Variants in ADAM2 observed in about 807,000 individuals in gnomAD.
ADAM2 encodes the protein ADAM metallopeptidase domain 2.
Under a neutral mutation model 99.3 loss-of-function variants are expected in ADAM2, and 101 were observed. That is an observed-to-expected ratio of 1.02 (90% CI 0.87 to 1.20). ADAM2 has a LOEUF of 1.20. ADAM2 is among the 50% of genes most tolerant of loss of function. The pLI, the probability that ADAM2 is intolerant of heterozygous loss-of-function variation, is 0.00. For missense variants in ADAM2, 948 were observed against 878.7 expected (o/e 1.08, Z -1.00); for synonymous variants, 323 against 287.6 (o/e 1.12, Z -1.25).
chr8:39,761,825 T>C (rs1005582364), intron 14 of ADAM2, among the ~76,000 whole-genome samples: 2 of 152,144 alleles, frequency 1.3e-5, no homozygotes, highest in African/African-American at 4.8e-5. Flanking sequence ...TTCATGCCTG[T>C]AACCCCAGGA....
intron 7 of ADAM2, among the ~76,000 whole-genome samples, chr8:39,805,756 G>A (rs1357940847): frequency 6.6e-6 from 1 of 152,120 alleles, no homozygotes; most frequent in South Asian, 2.1e-4. Context: ...GAGACCACAC[G>A]CTTAGGTACA....
chr8:39,817,531 T>C (rs1805004235), intron 6 of ADAM2, among the ~76,000 whole-genome samples: 1 of 152,150 alleles, frequency 6.6e-6, no homozygotes, highest in Non-Finnish European at 1.5e-5. Context: ...TTTAAGGTAA[T>C]AAATAAGCTA....
intron 6 of ADAM2, among the ~76,000 whole-genome samples, chr8:39,817,042 C>T (rs959613222): frequency 2.0e-5 from 3 of 149,406 alleles, no homozygotes; most frequent in African/African-American, 7.4e-5. Context: ...ATATATGAAA[C>T]AATATATAAT....
intron 7 of ADAM2, among the ~76,000 whole-genome samples, chr8:39,793,558 A>T (rs1002709470): frequency 6.6e-6 from 1 of 152,138 alleles, no homozygotes; most frequent in Non-Finnish European, 1.5e-5. Flanking sequence ...AGGTTAATCA[A>T]GATCAAGACT....
intron 8 of ADAM2, 87 bp downstream of exon 8, chr8:39,788,582 G>T (rs568972809): frequency 6.9e-6 from 6 of 875,048 alleles, no homozygotes; most frequent in Non-Finnish European, 1.0e-5. Flanking sequence ...GCCACACAAC[G>T]TGTGGATTCA....
chr8:39,809,602 A>G, intron 6 of ADAM2, 136 bp from the exon 7 acceptor site: 2 of 524,662 alleles, frequency 3.8e-6, no homozygotes, highest in South Asian at 3.0e-5. Flanking sequence ...AATATAAGCA[A>G]CACTAGATAT....
intron 6 of ADAM2, among the ~76,000 whole-genome samples, chr8:39,817,089 G>C (rs991052805): frequency 2.0e-5 from 3 of 151,252 alleles, no homozygotes; most frequent in Non-Finnish European, 4.4e-5. Context: ...AAAAATACTT[G>C]ATTAATAAAA....
At chr8:39,821,291 T>A in intron 5 of ADAM2, 121 bp from the exon 6 acceptor site, 1 of 735,996 alleles carries the variant, frequency 1.4e-6, no homozygotes. Flanking sequence ...TCTAAGGTGA[T>A]AAAATAGGAG....
chr8:39,820,190 G>A (rs938775083), intron 6 of ADAM2, among the ~76,000 whole-genome samples: 2 of 152,068 alleles, frequency 1.3e-5, no homozygotes, highest in African/African-American at 4.8e-5. Flanking sequence ...TAATGTTGCT[G>A]GACAAAGTGG....
At position 39,755,887 on chromosome 8, in the gene ADAM2, T is replaced by C. The variant is rs78400740; in HGVS notation, c.1638A>G (p.Ile546Met). 213 of 1,564,494 alleles carry C rather than the reference T, an allele frequency of 1.4e-4. No individual in the cohort carries two copies. The East Asian group carries it at 4.2e-3, about 31-fold the overall frequency. Residue 546 changes from isoleucine (I) to methionine (M), a missense_variant, in exon 16 of 21, where the codon ATA becomes ATG. Coordinates refer to ENST00000265708, the MANE Select transcript of ADAM2 (RefSeq NM_001464.5). ...ATAAAAATTTACCTACATATTTACATATTAATTTTCCGCACTGCAGATTGC... is the reference window on the plus strand; with the variant it reads ...ATAAAAATTTACCTACATATTTACACATTAATTTTCCGCACTGCAGATTGC... ...EADNLQCGKL[I>M]CKYVGKFLLQ...
At chr8:39,761,136 T>A in intron 15 of ADAM2, 40 bp downstream of exon 15, 1 of 1,250,172 alleles carries the variant, frequency 8.0e-7, no homozygotes, top group Admixed American at 2.3e-5. Flanking sequence ...AAATATAAGG[T>A]GATAAATAGA....
At chr8:39,768,358 G>A (rs1377553207) in intron 12 of ADAM2, among the ~76,000 whole-genome samples, 3 of 152,124 alleles carry the variant, frequency 2.0e-5, no homozygotes, top group Non-Finnish European at 1.5e-5. Context: ...AGGGCACAAT[G>A]AAGTCTACTT....
At chr8:39,792,408 C>T (rs1262109218) in intron 7 of ADAM2, among the ~76,000 whole-genome samples, 2 of 151,944 alleles carry the variant, frequency 1.3e-5, no homozygotes, top group African/African-American at 4.8e-5. Context: ...TTCTATAAGA[C>T]CTCAGGATTC....
chr8:39,768,563 C>A (rs962504828), intron 12 of ADAM2, among the ~76,000 whole-genome samples: 6 of 152,090 alleles, frequency 3.9e-5, no homozygotes, highest in African/African-American at 1.4e-4. Context: ...AAATATCGAC[C>A]TGGATTAAAA....
intron 3 of ADAM2, among the ~76,000 whole-genome samples, chr8:39,832,905 A>AT (rs1267259845): frequency 6.6e-6 from 1 of 152,100 alleles, no homozygotes; most frequent in African/African-American, 2.4e-5. Context: ...TATTCTATAC[A>AT]TTTTTTCTAA....
At chr8:39,750,386 A>G (rs1203563653) in intron 16 of ADAM2, among the ~76,000 whole-genome samples, 2 of 151,966 alleles carry the variant, frequency 1.3e-5, no homozygotes, top group East Asian at 1.9e-4. Context: ...CAGACAAAAA[A>G]CTCGATATTA....
At chr8:39,773,946 G>A (rs1422101087) in intron 11 of ADAM2, among the ~76,000 whole-genome samples, 1 of 151,736 alleles carries the variant, frequency 6.6e-6, no homozygotes, top group Non-Finnish European at 1.5e-5. Context: ...AATATTAGGG[G>A]AAAAAATCCA....
chr8:39,752,798 G>C (rs1304210881), intron 16 of ADAM2, among the ~76,000 whole-genome samples: 1 of 152,096 alleles, frequency 6.6e-6, no homozygotes, highest in African/African-American at 2.4e-5. Context: ...ATAAAGGGCA[G>C]TTCCCCTGCA....
At chr8:39,759,590 AT>A (rs1177195979) in intron 15 of ADAM2, among the ~76,000 whole-genome samples, 4 of 152,202 alleles carry the variant, frequency 2.6e-5, no homozygotes, top group African/African-American at 7.2e-5. Context: ...ATATTGAGGA[AT>A]AAACAAGCAC....
Sources: gnomAD v4.1 joint callset for allele counts (sites outside exome capture counted in the v4.1 genomes callset) on GRCh38, gnomAD v4.1.1 for gene constraint, MANE v1.5 for transcripts, NCBI Gene and HGNC (gene_info 2026-07-23, HGNC 2026-07-21) for gene names.